Variants in GRIP1 observed in about 807,000 individuals in gnomAD.
GRIP1 encodes glutamate receptor interacting protein 1.
GRIP1 carries 45 observed loss-of-function variants against 129.9 expected under a neutral mutation model. That is an observed-to-expected ratio of 0.35 (90% CI 0.27 to 0.44). The LOEUF is 0.44. GRIP1 is among the 20% of genes least tolerant of loss of function. The probability of loss-of-function intolerance (pLI) is 1.00; values close to 1 mark genes in which losing one functional copy is unlikely to be tolerated. For synonymous variants in GRIP1, 530 were observed against 520.8 expected, an observed-to-expected ratio of 1.02 and a Z score of -0.24; for missense variants, 1,196 against 1,396.8, an observed-to-expected ratio of 0.86 and a Z score of 2.29.
chr12:66,746,982 T>C (rs2036968700), intron 1 of GRIP1, among the ~76,000 whole-genome samples: 1 of 152,190 alleles, frequency 6.6e-6, no homozygotes, highest in Admixed American at 6.5e-5. Flanking sequence ...TTAAGCCACA[T>C]TCATCTGAGT....
Position 67,066,888 on chromosome 12 carries a change from T to TTTTTTATATATATA in GRIP1, c.58+2161_58+2162insTATATATATAAAAA, listed in dbSNP as rs59891449. ...TAGGCAGCTCAGTTTAAATATATAT[T>TTTTTTATATATATA]TATATATATATATATATATATATAC... On this transcript the variant is annotated intron_variant, in intron 1 of 1. Transcript: ENST00000643019. Among the ~76,000 whole-genome samples the TTTTTTATATATATA allele has an allele frequency of 4.4e-3, 557 of 125,634 alleles. 3 individuals are homozygous for TTTTTTATATATATA. The highest frequency in any genetic ancestry group is 7.0e-3 in the Non-Finnish European group (428 of 60,866). 82.4% of individuals were successfully genotyped at this position (125,634 alleles called of 152,430 possible).
At chr12:66,824,159 G>C (rs2039368778) in intron 1 of GRIP1, among the ~76,000 whole-genome samples, 1 of 152,044 alleles carries the variant, frequency 6.6e-6, no homozygotes, top group Non-Finnish European at 1.5e-5. Flanking sequence ...AGGTGGGTGG[G>C]GCACAATCCC....
chr12:66,670,894 C>T (rs1015247669), intron 1 of GRIP1, among the ~76,000 whole-genome samples: 3 of 152,098 alleles, frequency 2.0e-5, no homozygotes, highest in Admixed American at 1.3e-4. Flanking sequence ...TATATCTGCT[C>T]AGCTTCTCCC....
At chr12:66,581,159 G>A (rs1485840954) in intron 2 of GRIP1, among the ~76,000 whole-genome samples, 3 of 152,132 alleles carry the variant, frequency 2.0e-5, no homozygotes, top group Non-Finnish European at 4.4e-5. Context: ...TGACTACTGG[G>A]TACATAACGA....
intron 1 of GRIP1, among the ~76,000 whole-genome samples, chr12:66,645,814 T>C (rs1174794234): frequency 6.6e-6 from 1 of 152,210 alleles, no homozygotes; most frequent in African/African-American, 2.4e-5. Flanking sequence ...TTACCACTAT[T>C]TGACTTAGCA....
At chr12:66,371,595 C>T in intron 23 of GRIP1, 99 bp downstream of exon 23, 1 of 810,782 alleles carries the variant, frequency 1.2e-6, no homozygotes, top group Admixed American at 1.7e-5. Flanking sequence ...TGGCTGAGCC[C>T]ATAGGAGGAT....
intron 2 of GRIP1, among the ~76,000 whole-genome samples, chr12:66,571,482 G>GA (rs1555208882): frequency 6.7e-6 from 1 of 149,354 alleles, no homozygotes; most frequent in African/African-American, 2.5e-5. Flanking sequence ...TACTGCCTTT[G>GA]TTTTTTTTTC....
chr12:66,447,806 C>T (rs1386014223), intron 11 of GRIP1, among the ~76,000 whole-genome samples: 1 of 152,204 alleles, frequency 6.6e-6, no homozygotes, highest in Admixed American at 6.5e-5. Context: ...AACTTGGCTT[C>T]TGCCTTCACC....
chr12:66,527,751 G>C (rs1399332964), intron 5 of GRIP1, among the ~76,000 whole-genome samples: 2 of 152,096 alleles, frequency 1.3e-5, no homozygotes. Flanking sequence ...TGGGTGCTAA[G>C]CATTGAGTAC....
intron 1 of GRIP1, among the ~76,000 whole-genome samples, chr12:66,861,200 G>A (rs964683118): frequency 5.9e-5 from 9 of 151,998 alleles, no homozygotes; most frequent in African/African-American, 2.2e-4. Context: ...TAAATCATTG[G>A]CATTTAATAC....
chr12:66,675,470 G>A lies in GRIP1; in HGVS notation c.55+3380C>T, dbSNP rs185136738. Among the ~76,000 whole-genome samples, 102 of 152,224 alleles carry A rather than the reference G, an allele frequency of 6.7e-4. 1 individual carries two copies. Among genetic ancestry groups the A allele is most frequent in the African/African-American group, 2.3e-3 (96 of 41,524 alleles). On this transcript the variant is annotated intron_variant, in intron 1 of 24. Transcript: ENST00000359742. ...CAAGGAAAAGTAATCACACAATCAT[G>A]ACAAGAGAAAAAGAACAAAGTCTGT...
chr12:66,891,661 A>G (rs2040660817), intron 1 of GRIP1, among the ~76,000 whole-genome samples: 1 of 152,214 alleles, frequency 6.6e-6, no homozygotes. Context: ...AAAGACGACA[A>G]GGATAAAAAC....
At chr12:67,069,007 C>A (rs928483162) in intron 1 of GRIP1, 3 of 904,928 alleles carry the variant, frequency 3.3e-6, no homozygotes, top group African/African-American at 1.8e-5. Flanking sequence ...CGGCCCCGGC[C>A]CGGACCCCTG....
At chr12:66,625,940 G>A (rs918948613) in intron 1 of GRIP1, among the ~76,000 whole-genome samples, 1 of 152,130 alleles carries the variant, frequency 6.6e-6, no homozygotes, top group Non-Finnish European at 1.5e-5. Context: ...GAAAGAGAAT[G>A]ACTCTCTGTG....
chr12:66,728,257 G>A (rs1296814991), intron 1 of GRIP1, among the ~76,000 whole-genome samples: 1 of 152,146 alleles, frequency 6.6e-6, no homozygotes, highest in African/African-American at 2.4e-5. Context: ...CAAATTAATG[G>A]TGGCTTAAAC....
At chr12:66,743,862 C>T (rs2036864795) in intron 1 of GRIP1, among the ~76,000 whole-genome samples, 2 of 152,142 alleles carry the variant, frequency 1.3e-5, no homozygotes, top group Admixed American at 1.3e-4. Flanking sequence ...AGGACCTTTC[C>T]TCCATTACAT....
chr12:67,042,364 C>T (rs770474589), intron 1 of GRIP1, among the ~76,000 whole-genome samples: 3 of 152,012 alleles, frequency 2.0e-5, no homozygotes, highest in Non-Finnish European at 4.4e-5. Flanking sequence ...AAAATGAGAC[C>T]CCTTTTTCTA....
chr12:66,693,429 G>A (rs1013527769), intron 1 of GRIP1, among the ~76,000 whole-genome samples: 3 of 151,652 alleles, frequency 2.0e-5, no homozygotes, highest in Admixed American at 6.6e-5. Context: ...TGGATATTTG[G>A]GGCATACATT....
intron 1 of GRIP1, among the ~76,000 whole-genome samples, chr12:66,871,897 C>A (rs142508467): frequency 3.9e-4 from 60 of 152,088 alleles, no homozygotes; most frequent in African/African-American, 1.4e-3. Flanking sequence ...GAGGCAGAAC[C>A]GAGTACTCTA....
Sources: allele counts gnomAD v4.1 joint callset (sites outside exome capture counted in the v4.1 genomes callset), GRCh38; gene constraint gnomAD v4.1.1; transcripts MANE v1.5; gene names NCBI Gene and HGNC (gene_info 2026-07-23, HGNC 2026-07-21).